Variants in SEC63 observed in about 807,000 individuals in gnomAD.
SEC63 encodes translocation protein SEC63 homolog.
A neutral mutation model predicts 116.2 loss-of-function variants in SEC63; 56 were observed. That is an observed-to-expected ratio of 0.48 (90% CI 0.39 to 0.60). The LOEUF (loss-of-function observed/expected upper bound fraction) is 0.60. Ranked by LOEUF, SEC63 falls within the 20% of genes least tolerant of loss-of-function variation. The pLI is 0.00. For missense variants in SEC63, 668 were observed against 900.0 expected, an observed-to-expected ratio of 0.74 and a Z score of 3.30; for synonymous variants, 273 against 294.6, an observed-to-expected ratio of 0.93 and a Z score of 0.75.
At chr6:107,901,206 A>G (rs1786992138) in intron 13 of SEC63, among the ~76,000 whole-genome samples, 164 bp downstream of exon 13, 1 of 152,222 alleles carries the variant, frequency 6.6e-6, no homozygotes, top group Non-Finnish European at 1.5e-5. Flanking sequence ...ATTAGGTATA[A>G]ATCATTTTCC....
At chr6:107,954,481 T>TAAAAAAAAAAAAAAAAAAAAAAAAAA (rs1562345005) in intron 1 of SEC63, 3 of 14,000 alleles carry the variant, frequency 2.1e-4, no homozygotes, top group Non-Finnish European at 4.0e-4. Flanking sequence ...AAAAAAAAAA[T>TAAAAAAAAAAAAAAAAAAAAAAAAAA]CAAAAAAAAA....
At chr6:107,952,323 C>T (rs1266647556) in intron 1 of SEC63, among the ~76,000 whole-genome samples, 1 of 152,262 alleles carries the variant, frequency 6.6e-6, no homozygotes, top group African/African-American at 2.4e-5. Flanking sequence ...ACTTTACAAG[C>T]TGTGAAATGG....
intron 4 of SEC63, among the ~76,000 whole-genome samples, chr6:107,921,451 T>C (rs951316595): frequency 6.7e-6 from 1 of 149,052 alleles, no homozygotes; most frequent in Non-Finnish European, 1.5e-5. Context: ...CAGAAAACTA[T>C]CCTTTTTTTT....
chr6:107,906,951 C>T (rs992976507), intron 8 of SEC63, among the ~76,000 whole-genome samples, 174 bp from the exon 9 acceptor site: 17 of 152,144 alleles, frequency 1.1e-4, no homozygotes, highest in African/African-American at 3.9e-4. Flanking sequence ...AGTAACATCT[C>T]GCTTTTTAAA....
chr6:107,936,763 T>A (rs1259491780), intron 1 of SEC63, among the ~76,000 whole-genome samples: 2 of 152,226 alleles, frequency 1.3e-5, no homozygotes, highest in African/African-American at 4.8e-5. Context: ...GTCAGTAGTA[T>A]TACTGAGTGA....
chr6:107,911,571 TTTGTAG>T (rs1195172311), intron 6 of SEC63, among the ~76,000 whole-genome samples, 175 bp from the exon 7 acceptor site: 1 of 152,172 alleles, frequency 6.6e-6, no homozygotes, highest in African/African-American at 2.4e-5. Context: ...TTACCCTCCT[TTTGTAG>T]GTAGAAAACC....
intron 1 of SEC63, among the ~76,000 whole-genome samples, chr6:107,940,613 G>A (rs2114505676): frequency 6.6e-6 from 1 of 152,048 alleles, no homozygotes; most frequent in Admixed American, 6.6e-5. Flanking sequence ...GATTTAAAGT[G>A]CGCGCACACA....
chr6:107,910,466 AAAT>A (rs1787250713), intron 7 of SEC63, among the ~76,000 whole-genome samples: 1 of 152,118 alleles, frequency 6.6e-6, no homozygotes, highest in Non-Finnish European at 1.5e-5. Context: ...AAAAATAAAT[AAAT>A]AACAAAAATA....
chr6:107,892,490 C>T (rs964477611), intron 16 of SEC63, among the ~76,000 whole-genome samples: 4 of 152,066 alleles, frequency 2.6e-5, no homozygotes, highest in African/African-American at 9.7e-5. Context: ...TTGGAACAGT[C>T]AGGATGTCTT....
At chr6:107,920,290 G>A (rs1181165347) in intron 4 of SEC63, among the ~76,000 whole-genome samples, 1 of 151,726 alleles carries the variant, frequency 6.6e-6, no homozygotes, top group Non-Finnish European at 1.5e-5. Context: ...GCCGGGCGTG[G>A]TGGCAGGCAC....
At chr6:107,915,123 T>G (rs1383565425) in intron 4 of SEC63, among the ~76,000 whole-genome samples, 1 of 152,152 alleles carries the variant, frequency 6.6e-6, no homozygotes, top group Non-Finnish European at 1.5e-5. Context: ...GCTGCGTAAT[T>G]TTAGTATAAT....
intron 19 of SEC63, 115 bp downstream of exon 19, chr6:107,876,449 A>G (rs1786268508): frequency 4.1e-6 from 3 of 725,912 alleles, no homozygotes; most frequent in African/African-American, 1.8e-5. Flanking sequence ...GCAGGCAACG[A>G]ATAGAATACA....
chr6:107,951,798 C>T (rs933583613), intron 1 of SEC63, among the ~76,000 whole-genome samples: 1 of 151,706 alleles, frequency 6.6e-6, no homozygotes, highest in Non-Finnish European at 1.5e-5. Flanking sequence ...CCTGGCTAAC[C>T]CCGTCTCTAC....
intron 16 of SEC63, among the ~76,000 whole-genome samples, chr6:107,888,315 T>G (rs542181071): frequency 5.1e-4 from 78 of 152,240 alleles, no homozygotes; most frequent in Non-Finnish European, 9.6e-4. Flanking sequence ...CACATCCCTT[T>G]TAAGTTGTAT....
chr6:107,916,894 C>G (rs113954660), intron 4 of SEC63, among the ~76,000 whole-genome samples: 4 of 152,314 alleles, frequency 2.6e-5, no homozygotes, highest in African/African-American at 9.6e-5. Flanking sequence ...ACACAAGATT[C>G]AAATTGGGCA....
chr6:107,873,752 AC>A (rs1489991301), intron 19 of SEC63, among the ~76,000 whole-genome samples: 1 of 152,198 alleles, frequency 6.6e-6, no homozygotes, highest in African/African-American at 2.4e-5. Context: ...GGGGAGAAAT[AC>A]TTGCAACACA....
chr6:107,874,750 A>G (rs1176061310), intron 19 of SEC63, among the ~76,000 whole-genome samples: 16 of 152,098 alleles, frequency 1.1e-4, no homozygotes, highest in Admixed American at 1.0e-3. Flanking sequence ...ATCATGGCTC[A>G]TTGCAGCTTC....
At chr6:107,877,402 T>C (rs1217823868) in intron 18 of SEC63, 1 of 152,166 alleles carries the variant, frequency 6.6e-6, no homozygotes, top group Non-Finnish European at 1.5e-5. Flanking sequence ...TAAAAAATCA[T>C]CTTACTGAAA....
chr6:107,914,923 A>G (rs1787364572), intron 4 of SEC63, among the ~76,000 whole-genome samples: 1 of 152,158 alleles, frequency 6.6e-6, no homozygotes, highest in Non-Finnish European at 1.5e-5. Flanking sequence ...ACCTACACAG[A>G]CCTACGAGTT....
Sources: allele counts gnomAD v4.1 joint callset (sites outside exome capture counted in the v4.1 genomes callset), GRCh38; gene constraint gnomAD v4.1.1; transcripts MANE v1.5; gene names NCBI Gene and HGNC (gene_info 2026-07-23, HGNC 2026-07-21).